Variants in ANKS1A observed in about 807,000 individuals in gnomAD.
ANKS1A encodes the protein ankyrin repeat and sterile alpha motif domain containing 1A.
A neutral mutation model predicts 120.3 loss-of-function variants in ANKS1A; 55 were observed. The observed-to-expected ratio is 0.46, with a 90% confidence interval of 0.37 to 0.57. ANKS1A has a LOEUF of 0.57. ANKS1A is among the 20% of genes least tolerant of loss of function. The probability of loss-of-function intolerance (pLI) is 0.00; values close to 1 mark genes in which losing one functional copy is unlikely to be tolerated. For synonymous variants in ANKS1A, 590 were observed against 604.7 expected (o/e 0.98, Z 0.36); for missense variants, 1,123 against 1,480.3 (o/e 0.76, Z 3.96).
intron 8 of ANKS1A, 150 bp from the exon 9 acceptor site, chr6:34,989,073 CA>C: frequency 3.4e-6 from 2 of 594,332 alleles, no homozygotes; most frequent in Non-Finnish European, 5.8e-6. Context: ...CAGAGTTCTC[CA>C]TCTGTTCAGA....
intron 1 of ANKS1A, among the ~76,000 whole-genome samples, chr6:34,906,042 G>T (rs9296138): frequency 0.11 from 16,894 of 152,168 alleles, 1,875 homozygotes; most frequent in African/African-American, 0.28. Context: ...TGAGTGAGCA[G>T]TGCCCCTCGG....
At chr6:35,071,877 G>T (rs1777104232) in intron 13 of ANKS1A, among the ~76,000 whole-genome samples, 1 of 152,234 alleles carries the variant, frequency 6.6e-6, no homozygotes, top group African/African-American at 2.4e-5. Flanking sequence ...CCAGCAACCA[G>T]TGTGGAGGGA....
rs928264901 is a variant in ANKS1A, at chr6:35,044,307, C to T, written c.2011-9792C>T. ...AATAACAGGTTTGCCAGGTAGGTGT[C>T]GTTATCCCTGTTACAGATGACCAAG... On this transcript the variant is annotated intron_variant, in intron 11 of 23. Transcript: ENST00000360359. The surrounding 1 kb of genome is among the most constrained non-coding windows in gnomAD (Gnocchi z 4.4). Among the ~76,000 whole-genome samples the T allele has an allele frequency of 1.3e-5, 2 of 152,182 alleles. No homozygotes were observed. The highest frequency in any genetic ancestry group is 6.5e-5 in the Admixed American group (1 of 15,286).
At chr6:34,997,249 T>G (rs1772905101) in intron 10 of ANKS1A, among the ~76,000 whole-genome samples, 1 of 145,632 alleles carries the variant, frequency 6.9e-6, no homozygotes, top group Admixed American at 7.3e-5. Context: ...CAGGCTGGAG[T>G]GCAGTGGCAT....
At chr6:35,069,089 G>T (rs777376590) in intron 13 of ANKS1A, among the ~76,000 whole-genome samples, 6 of 152,206 alleles carry the variant, frequency 3.9e-5, no homozygotes, top group African/African-American at 7.2e-5. Flanking sequence ...CTCCAGGACA[G>T]AGTGGGGCAG....
chr6:34,976,511 A>T (rs1052677212), intron 3 of ANKS1A, among the ~76,000 whole-genome samples: 2 of 152,244 alleles, frequency 1.3e-5, no homozygotes, highest in East Asian at 1.9e-4. Flanking sequence ...ATTAGGGCAG[A>T]TCTATTTTTT....
chr6:34,891,161 G>A (rs1478804509), intron 1 of ANKS1A, among the ~76,000 whole-genome samples: 1 of 152,142 alleles, frequency 6.6e-6, no homozygotes, highest in East Asian at 1.9e-4. Flanking sequence ...AAGGATGTGA[G>A]GATTTGGGTA....
chr6:35,080,816 T>A (rs1366825612), intron 16 of ANKS1A, among the ~76,000 whole-genome samples, 178 bp from the exon 17 acceptor site: 2 of 152,124 alleles, frequency 1.3e-5, no homozygotes, highest in Non-Finnish European at 2.9e-5. Context: ...GGGACACTAG[T>A]GGACGGTGGC....
intron 1 of ANKS1A, among the ~76,000 whole-genome samples, chr6:34,900,837 A>G (rs1767312880): frequency 6.6e-6 from 1 of 152,036 alleles, no homozygotes; most frequent in African/African-American, 2.4e-5. Flanking sequence ...ACAGTGAGGT[A>G]GGCTCATTAA....
rs138423975 is a variant in ANKS1A at position 35,057,122 on chromosome 6, G to T, written c.2077+2957G>T. On this transcript the variant is annotated intron_variant, in intron 12 of 23. Transcript: ENST00000360359. The surrounding 1 kb of genome is among the most constrained non-coding windows in gnomAD (Gnocchi z 4.1). ...CCAGCACCACTGGTTTTGCAGAGGC[G>T]CCCGCACCCCCCAGCCGAAGGGCAC... Among the ~76,000 whole-genome samples, 3 of 151,956 alleles carry T rather than the reference G, an allele frequency of 2.0e-5. No individual in the cohort carries two copies. Among genetic ancestry groups the T allele is most frequent in the Non-Finnish European group, 2.9e-5 (2 of 68,016 alleles).
chr6:34,892,408 GTGGAATCATAGCTTCAGATT>G (rs1766867104), intron 1 of ANKS1A, among the ~76,000 whole-genome samples: 1 of 152,208 alleles, frequency 6.6e-6, no homozygotes, highest in South Asian at 2.1e-4. Context: ...AATGAGAGCT[GTGGAATCATAGCTTCAGATT>G]TGGCCTTTGT....
intron 1 of ANKS1A, among the ~76,000 whole-genome samples, chr6:34,912,036 A>G (rs1408232235): frequency 6.6e-6 from 1 of 152,208 alleles, no homozygotes; most frequent in Middle Eastern, 3.2e-3. Flanking sequence ...TTTCAGCGTT[A>G]AATTGTAAGT....
chr6:35,074,221 A>G (rs975210582), intron 13 of ANKS1A, among the ~76,000 whole-genome samples: 2 of 152,036 alleles, frequency 1.3e-5, no homozygotes, highest in Non-Finnish European at 2.9e-5. Context: ...TGCCGCAGTC[A>G]CTCTTGGACG....
chr6:35,086,801 G>C lies in ANKS1A; in HGVS notation c.3304-151G>C, dbSNP rs1004291846. 7.6e-5 allele frequency: 57 copies of C among 749,456 alleles called. 1 individual carries two copies. The highest frequency in any genetic ancestry group is 4.6e-5 in the Admixed American group (2 of 43,254). 46.4% of individuals were successfully genotyped at this position (749,456 alleles called of 1,614,324 possible). A position where few individuals can be genotyped will look rare whatever the true frequency, so the allele number is the denominator to read the frequency against. On this transcript the variant is annotated intron_variant, in intron 22 of 23. Coordinates refer to ENST00000360359, the MANE Select transcript of ANKS1A (RefSeq NM_015245.3). This position sits in a 1 kb window ranked among gnomAD's most constrained non-coding sequence, Gnocchi z 5.1. ...CCAGGAGGGTGTCCCTCCTCCGCCT[G>C]CCCCCAGGGGCCTGCTCTTTGGCCG...
chr6:35,079,503 C>T lies in ANKS1A; in HGVS notation c.2284-13C>T. On this transcript the variant is annotated splice_polypyrimidine_tract_variant and intron_variant, in intron 14 of 23. Transcript: ENST00000360359. Reference sequence around the variant, plus strand: ...GCTGAGATGTCAGTTTCACCTCCCTCCTTGCCCTGTAGGTGAAGGCTCTGG... The same window carrying T: ...GCTGAGATGTCAGTTTCACCTCCCTTCTTGCCCTGTAGGTGAAGGCTCTGG... The T allele has an allele frequency of 6.2e-7, 1 of 1,613,500 alleles. No homozygotes were observed. Among genetic ancestry groups the T allele is most frequent in the Non-Finnish European group, 8.5e-7 (1 of 1,179,656 alleles).
chr6:35,074,100 G>T (rs1387768458), intron 13 of ANKS1A, among the ~76,000 whole-genome samples: 1 of 152,282 alleles, frequency 6.6e-6, no homozygotes, highest in African/African-American at 2.4e-5. Flanking sequence ...CAAAGGGCCT[G>T]TCTCCGGCGG....
intron 10 of ANKS1A, among the ~76,000 whole-genome samples, chr6:35,007,135 G>A (rs1407549248): frequency 1.3e-5 from 2 of 152,188 alleles, no homozygotes; most frequent in African/African-American, 2.4e-5. Context: ...TTTTGGGGGC[G>A]TTTTGGTCCA....
At chr6:34,979,446 T>A (rs1771784335) in intron 3 of ANKS1A, among the ~76,000 whole-genome samples, 1 of 152,242 alleles carries the variant, frequency 6.6e-6, no homozygotes, top group South Asian at 2.1e-4. Flanking sequence ...TGAGTGTAAC[T>A]TTCTGCAGAG....
At chr6:35,038,277 A>T (rs1042100996) in intron 11 of ANKS1A, 1 of 456,622 alleles carries the variant, frequency 2.2e-6, no homozygotes, top group South Asian at 1.5e-5. Context: ...CCGCTGGCAC[A>T]TTGTTTGCAT....
Sources: allele counts gnomAD v4.1 joint callset (sites outside exome capture counted in the v4.1 genomes callset), GRCh38; gene constraint gnomAD v4.1.1; non-coding constraint Gnocchi (gnomAD v3.1); transcripts MANE v1.5; gene names NCBI Gene and HGNC (gene_info 2026-07-23, HGNC 2026-07-21).